The following CSMD1 variants were observed in gnomAD, a reference collection of about 807,000 sequenced individuals.
The protein encoded by CSMD1 is CUB and Sushi multiple domains 1.
In CSMD1, 213 loss-of-function variants were observed where a neutral mutation model predicts 417.5. The observed-to-expected ratio is 0.51, with a 90% CI of 0.46 to 0.57. The LOEUF is 0.57. Ranked by LOEUF, CSMD1 falls within the 20% of genes least tolerant of loss-of-function variation. The pLI is 0.00. For missense variants in CSMD1, 6,923 were observed against 4,529.7 expected (o/e 1.53, Z -15.17); for synonymous variants, 2,862 against 1,736.8 (o/e 1.65, Z -16.11).
At chr8:2,956,956 T>C (rs1051643399) in intron 63 of CSMD1, among the ~76,000 whole-genome samples, 2 of 152,062 alleles carry the variant, frequency 1.3e-5, no homozygotes, top group African/African-American at 4.8e-5. Context: ...GCAGAGATAA[T>C]TTTAAAATAA....
intron 50 of CSMD1, among the ~76,000 whole-genome samples, chr8:3,048,231 CT>C (rs1339117231): frequency 1.3e-5 from 2 of 152,080 alleles, no homozygotes; most frequent in African/African-American, 4.8e-5. Flanking sequence ...CAAGACCGAT[CT>C]TGTAGGAAAC....
chr8:4,486,631 C>T (rs1015607992), intron 2 of CSMD1, among the ~76,000 whole-genome samples: 1 of 151,990 alleles, frequency 6.6e-6, no homozygotes, highest in East Asian at 1.9e-4. Flanking sequence ...ACTCAGTGAC[C>T]TAAACACTGT....
chr8:4,229,429 T>C (rs909828297), intron 3 of CSMD1, among the ~76,000 whole-genome samples: 1 of 152,174 alleles, frequency 6.6e-6, no homozygotes, highest in Non-Finnish European at 1.5e-5. Context: ...AATCACTCAT[T>C]ATCTTTTCAA....
chr8:3,628,992 G>T (rs574459882), intron 7 of CSMD1, among the ~76,000 whole-genome samples: 1 of 152,084 alleles, frequency 6.6e-6, no homozygotes, highest in Admixed American at 6.6e-5. Flanking sequence ...ATAGAGAAAA[G>T]GGAAAGAAAA....
chr8:4,677,392 G>A (rs1233865102), intron 1 of CSMD1, among the ~76,000 whole-genome samples: 1 of 151,834 alleles, frequency 6.6e-6, no homozygotes, highest in Non-Finnish European at 1.5e-5. Flanking sequence ...TCAACATAAG[G>A]CATTTGAATT....
chr8:4,787,417 C>A, intron 1 of CSMD1: 1 of 750,316 alleles, frequency 1.3e-6, no homozygotes. Flanking sequence ...TCCTGCAGTC[C>A]AAGGACAAGA....
chr8:3,816,371 A>G (rs1007732181), intron 5 of CSMD1, among the ~76,000 whole-genome samples: 1 of 152,206 alleles, frequency 6.6e-6, no homozygotes, highest in African/African-American at 2.4e-5. Flanking sequence ...CAGCAGGAAA[A>G]GATATTCTGA....
chr8:3,575,161 T>G lies in CSMD1; in HGVS notation c.1223-95A>C. The G allele has an allele frequency of 4.3e-6, 5 of 1,149,844 alleles. No individual in the cohort carries two copies. In the South Asian group the frequency reaches 7.2e-5, roughly 17 times the overall value. 71.2% of individuals were successfully genotyped at this position (1,149,844 alleles called of 1,614,324 possible). A position where few individuals can be genotyped will look rare whatever the true frequency, so the allele number is the denominator to read the frequency against. On this transcript the variant is annotated intron_variant, in intron 9 of 69. Coordinates refer to ENST00000635120, the MANE Select transcript of CSMD1 (RefSeq NM_033225.6). ...GGGAAATTTCAAGTTAGCTATTATC[T>G]AATCACAGTAAAAAAAAAAAAAAAA... is the stretch of plus-strand genomic sequence containing the variant.
intron 2 of CSMD1, among the ~76,000 whole-genome samples, chr8:4,579,333 C>CATACAT (rs1554517195): frequency 2.7e-5 from 4 of 150,810 alleles, no homozygotes; most frequent in Non-Finnish European, 4.4e-5. Flanking sequence ...TACATACATA[C>CATACAT]ATATATATAT....
chr8:4,835,637 G>T (rs1474826021), intron 1 of CSMD1, among the ~76,000 whole-genome samples: 1 of 152,132 alleles, frequency 6.6e-6, no homozygotes, highest in Non-Finnish European at 1.5e-5. Flanking sequence ...CTCAGGTGAT[G>T]AAATGAAAGA....
At chr8:4,374,117 A>G (rs1802566555) in intron 3 of CSMD1, among the ~76,000 whole-genome samples, 1 of 152,140 alleles carries the variant, frequency 6.6e-6, no homozygotes, top group African/African-American at 2.4e-5. Context: ...CACACCTGCC[A>G]TTTTATTGAC....
intron 10 of CSMD1, among the ~76,000 whole-genome samples, chr8:3,520,334 A>G (rs1373311967): frequency 2.6e-5 from 4 of 152,156 alleles, no homozygotes. Context: ...AGTGACATAA[A>G]CTGCAGAAGA....
At chr8:4,053,200 C>A (rs1011377599) in intron 3 of CSMD1, among the ~76,000 whole-genome samples, 1 of 152,122 alleles carries the variant, frequency 6.6e-6, no homozygotes. Flanking sequence ...AAATATAACA[C>A]GTTATTAAAA....
intron 2 of CSMD1, among the ~76,000 whole-genome samples, chr8:4,456,031 C>G (rs1799455575): frequency 7.7e-6 from 1 of 130,602 alleles, no homozygotes; most frequent in Non-Finnish European, 1.6e-5. Context: ...CCATTCTCCT[C>G]TTCAAGTTCT....
chr8:3,082,676 C>T (rs184139456), intron 49 of CSMD1, among the ~76,000 whole-genome samples: 2 of 152,204 alleles, frequency 1.3e-5, no homozygotes, highest in Non-Finnish European at 2.9e-5. Context: ...AGACCCACAG[C>T]AACAACCTTA....
intron 1 of CSMD1, among the ~76,000 whole-genome samples, chr8:4,806,100 T>G (rs1031932885): frequency 6.6e-6 from 1 of 152,162 alleles, no homozygotes; most frequent in Non-Finnish European, 1.5e-5. Context: ...AATTTTAAAA[T>G]GAACCCAGCA....
At chr8:3,462,022 C>G (rs1336252361) in intron 12 of CSMD1, among the ~76,000 whole-genome samples, 1 of 152,108 alleles carries the variant, frequency 6.6e-6, no homozygotes, top group Non-Finnish European at 1.5e-5. Context: ...CAGTCAGAAT[C>G]CTAGAGAAGC....
chr8:4,390,882 G>C (rs1351860655), intron 3 of CSMD1, among the ~76,000 whole-genome samples: 2 of 152,108 alleles, frequency 1.3e-5, no homozygotes, highest in East Asian at 3.9e-4. Context: ...TGTTTCATAT[G>C]TTGTCCTTAG....
chr8:3,998,520 C>T (rs1302354741), intron 4 of CSMD1, among the ~76,000 whole-genome samples: 1 of 152,150 alleles, frequency 6.6e-6, no homozygotes, highest in Non-Finnish European at 1.5e-5. Context: ...TTTGAGAATA[C>T]TGTGCTCTTA....
Sources: gnomAD v4.1 joint callset for allele counts (sites outside exome capture counted in the v4.1 genomes callset) on GRCh38, gnomAD v4.1.1 for gene constraint, MANE v1.5 for transcripts, NCBI Gene and HGNC (gene_info 2026-07-23, HGNC 2026-07-21) for gene names.